CCDC85A: variants seen among roughly 807,000 people sequenced by gnomAD.
The protein encoded by CCDC85A is coiled-coil domain-containing protein 85A.
In CCDC85A, 38 loss-of-function variants were observed where a neutral mutation model predicts 50.2. That is an observed-to-expected ratio of 0.76 (90% CI 0.58 to 0.99). The LOEUF (loss-of-function observed/expected upper bound fraction) is 0.99. Ranked by LOEUF, CCDC85A falls within the 50% of genes least tolerant of loss-of-function variation. The pLI is 0.00. For synonymous variants in CCDC85A, 366 were observed against 301.4 expected (o/e 1.21, Z -2.22); for missense variants, 820 against 742.0 (o/e 1.11, Z -1.22).
chr2:56,334,375 A>T (rs1673972004), intron 2 of CCDC85A, among the ~76,000 whole-genome samples: 1 of 152,222 alleles, frequency 6.6e-6, no homozygotes, highest in South Asian at 2.1e-4. Context: ...TCCTGCAGGG[A>T]ACACAACTAG....
intron 2 of CCDC85A, among the ~76,000 whole-genome samples, chr2:56,260,868 A>G (rs1266262457): frequency 5.3e-5 from 8 of 152,304 alleles, no homozygotes; most frequent in Admixed American, 3.3e-4. Flanking sequence ...TTGTCTCTCT[A>G]TTGCTTGAGG....
At chr2:56,221,455 G>C (rs191376982) in intron 2 of CCDC85A, among the ~76,000 whole-genome samples, 154 of 151,756 alleles carry the variant, frequency 1.0e-3, no homozygotes, top group Non-Finnish European at 1.7e-3. Flanking sequence ...TGTTATGTTT[G>C]CACACTTGTC....
chr2:56,372,290 A>G, intron 3 of CCDC85A, 54 bp from the exon 4 acceptor site: 1 of 1,441,368 alleles, frequency 6.9e-7, no homozygotes, highest in Admixed American at 2.5e-5. Context: ...CTTTCTTGAG[A>G]CTTGGGAAAC....
chr2:56,366,185 C>G lies in CCDC85A; in HGVS notation c.1318-6159C>G, dbSNP rs1428626024. ...ATGGACACTTAGGTTGTTTCCATATCTTGGCTATTATGACTAATGCTGCAG... is the reference window on the plus strand; with the variant it reads ...ATGGACACTTAGGTTGTTTCCATATGTTGGCTATTATGACTAATGCTGCAG... On this transcript the variant is annotated intron_variant, in intron 3 of 5. Coordinates refer to ENST00000407595, the MANE Select transcript of CCDC85A (RefSeq NM_001080433.2). Among the ~76,000 whole-genome samples, 5 of 152,112 alleles carry G rather than the reference C, an allele frequency of 3.3e-5. No individual in the cohort carries two copies. In the East Asian group the frequency reaches 9.6e-4, roughly 29 times the overall value.
At chr2:56,368,215 T>C (rs530798238) in intron 3 of CCDC85A, among the ~76,000 whole-genome samples, 83 of 152,218 alleles carry the variant, frequency 5.5e-4, no homozygotes, top group Non-Finnish European at 1.0e-3. Context: ...ATAGATTCTT[T>C]AGTTAATTTA....
chr2:56,249,537 T>C (rs1463389651), intron 2 of CCDC85A, among the ~76,000 whole-genome samples: 1 of 152,230 alleles, frequency 6.6e-6, no homozygotes, highest in East Asian at 1.9e-4. Context: ...TGTGGAAGCT[T>C]TGAGGTCACT....
intron 2 of CCDC85A, among the ~76,000 whole-genome samples, chr2:56,233,371 A>C (rs1480456703): frequency 1.3e-5 from 2 of 152,218 alleles, no homozygotes; most frequent in Non-Finnish European, 2.9e-5. Context: ...TCCTTTGAAG[A>C]ATAGCAGAGG....
At chr2:56,240,661 C>T (rs1051104649) in intron 2 of CCDC85A, among the ~76,000 whole-genome samples, 3 of 152,106 alleles carry the variant, frequency 2.0e-5, no homozygotes, top group Non-Finnish European at 4.4e-5. Flanking sequence ...CCTTTTGTGC[C>T]TGCAACTCCT....
chr2:56,221,459 A>G (rs1668325957), intron 2 of CCDC85A, among the ~76,000 whole-genome samples: 1 of 151,974 alleles, frequency 6.6e-6, no homozygotes, highest in South Asian at 2.1e-4. Flanking sequence ...ATGTTTGCAC[A>G]CTTGTCTCCT....
chr2:56,316,555 G>A (rs780391069), intron 2 of CCDC85A, among the ~76,000 whole-genome samples: 3 of 152,066 alleles, frequency 2.0e-5, no homozygotes, highest in Non-Finnish European at 2.9e-5. Flanking sequence ...GTGGTTTACT[G>A]GTGTAGATAT....
At chr2:56,301,054 A>G (rs1219832858) in intron 2 of CCDC85A, among the ~76,000 whole-genome samples, 1 of 152,214 alleles carries the variant, frequency 6.6e-6, no homozygotes, top group Non-Finnish European at 1.5e-5. Flanking sequence ...CAATCTTTCC[A>G]AGCTGCAAAT....
intron 2 of CCDC85A, among the ~76,000 whole-genome samples, chr2:56,324,543 C>T (rs1213660684): frequency 6.6e-6 from 1 of 152,062 alleles, no homozygotes; most frequent in East Asian, 1.9e-4. Context: ...ATTAAAACAT[C>T]ATTTAATTAT....
At chr2:56,286,115 G>A (rs973904913) in intron 2 of CCDC85A, among the ~76,000 whole-genome samples, 7 of 150,620 alleles carry the variant, frequency 4.6e-5, no homozygotes, top group Non-Finnish European at 7.4e-5. Context: ...TGTCATTAAT[G>A]TACGCATCTT....
chr2:56,277,534 A>G (rs1671009770), intron 2 of CCDC85A, among the ~76,000 whole-genome samples: 1 of 152,230 alleles, frequency 6.6e-6, no homozygotes, highest in Non-Finnish European at 1.5e-5. Flanking sequence ...TGACTTGTTT[A>G]AAGTTATAGG....
At chr2:56,215,609 G>A (rs376213118) in intron 2 of CCDC85A, among the ~76,000 whole-genome samples, 1 of 148,770 alleles carries the variant, frequency 6.7e-6, no homozygotes, top group Admixed American at 6.7e-5. Context: ...CAAACTGGAT[G>A]TGGATTTTGT....
intron 2 of CCDC85A, among the ~76,000 whole-genome samples, chr2:56,206,827 T>G (rs1177816590): frequency 1.3e-5 from 2 of 152,310 alleles, no homozygotes; most frequent in East Asian, 1.9e-4. Flanking sequence ...GTACCGTGAT[T>G]TAATCCCTTT....
chr2:56,362,422 AAT>A (rs200108289), intron 3 of CCDC85A, among the ~76,000 whole-genome samples: 1 of 151,528 alleles, frequency 6.6e-6, no homozygotes, highest in Non-Finnish European at 1.5e-5. Context: ...GGAAGAATGA[AAT>A]ATATATATAT....
chr2:56,192,429 A>G lies in CCDC85A; in HGVS notation c.277-48A>G, dbSNP rs114290519. The G allele has an allele frequency of 1.7e-3, 2,693 of 1,541,536 alleles. 36 individuals carry two copies. In the African/African-American group the frequency reaches 0.031, roughly 18 times the overall value. On this transcript the variant is annotated intron_variant, in intron 1 of 5. Transcript: ENST00000407595. The surrounding 1 kb of genome is among the most constrained non-coding windows in gnomAD (Gnocchi z 4.7). ...CTTTCCAGGAAGTCTGAGCCTGCTG[A>G]CACCTCAGATGTGTACTTCCCTTGA...
intron 3 of CCDC85A, among the ~76,000 whole-genome samples, chr2:56,344,832 GAA>G (rs1019410460): frequency 6.6e-6 from 1 of 150,720 alleles, no homozygotes. Context: ...AAAAGAAATA[GAA>G]AAAAAATCCA....
Sources: gnomAD v4.1 joint callset for allele counts (sites outside exome capture counted in the v4.1 genomes callset) on GRCh38, gnomAD v4.1.1 for gene constraint, Gnocchi (gnomAD v3.1) non-coding constraint, MANE v1.5 for transcripts, NCBI Gene and HGNC (gene_info 2026-07-23, HGNC 2026-07-21) for gene names.